Variants in C10orf67 observed in about 807,000 individuals in gnomAD.
C10orf67 encodes the protein chromosome 10 open reading frame 67.
Under a neutral mutation model 35.6 loss-of-function variants are expected in C10orf67, and 60 were observed. That is an observed-to-expected ratio of 1.68 (90% CI 1.37 to 2.09). The LOEUF (loss-of-function observed/expected upper bound fraction) is 2.09, where lower values mean the gene tolerates loss of function less well. C10orf67 is among the 30% of genes most tolerant of loss of function. The probability of loss-of-function intolerance (pLI) is 0.00; values close to 1 mark genes in which losing one functional copy is unlikely to be tolerated. For synonymous variants in C10orf67, 167 were observed against 115.8 expected, an observed-to-expected ratio of 1.44 and a Z score of -2.84; for missense variants, 474 against 330.2, an observed-to-expected ratio of 1.44 and a Z score of -3.38.
chr10:23,256,647 C>T (rs1842610323), intron 10 of C10orf67, among the ~76,000 whole-genome samples: 1 of 151,290 alleles, frequency 6.6e-6, no homozygotes, highest in Non-Finnish European at 1.5e-5. Flanking sequence ...TAGCTGGGGA[C>T]ACATGTTAAA....
chr10:23,227,644 A>T (rs1841778051), intron 13 of C10orf67, among the ~76,000 whole-genome samples: 2 of 152,196 alleles, frequency 1.3e-5, no homozygotes, highest in Non-Finnish European at 2.9e-5. Flanking sequence ...GAGGAAGTCA[A>T]ATTGTCCCTG....
intron 13 of C10orf67, among the ~76,000 whole-genome samples, chr10:23,225,726 T>G (rs1841718205): frequency 6.6e-6 from 1 of 152,120 alleles, no homozygotes; most frequent in Non-Finnish European, 1.5e-5. Context: ...AATCCTAGTC[T>G]CTGATAAAAC....
At chr10:23,339,058 AC>A (rs1486936636) in intron 1 of C10orf67, among the ~76,000 whole-genome samples, 1 of 152,188 alleles carries the variant, frequency 6.6e-6, no homozygotes, top group African/African-American at 2.4e-5. Flanking sequence ...CTCATAACTC[AC>A]GCCCAAAATT....
intron 4 of C10orf67, among the ~76,000 whole-genome samples, chr10:23,306,000 TAC>T (rs901817754): frequency 1.3e-5 from 2 of 151,268 alleles, no homozygotes; most frequent in African/African-American, 2.4e-5. Context: ...CTCTCTCACA[TAC>T]ACACACACAC....
At chr10:23,223,474 C>A (rs750207983) in intron 15 of C10orf67, 124 bp downstream of exon 15, 8 of 658,670 alleles carry the variant, frequency 1.2e-5, no homozygotes, top group Non-Finnish European at 1.9e-5. Flanking sequence ...TATAAAGTGG[C>A]TGAAAAAAGT....
At position 23,204,151 on chromosome 10, in the gene C10orf67, C is replaced by G. The variant is rs574075866; in HGVS notation, c.*22G>C. On this transcript the variant is annotated 3_prime_UTR_variant, in exon 16 of 16. Transcript: ENST00000636213. ...GCCACTCTTTCTGAGGCCCCGTCTG[C>G]GCAGCCCAGGCTTCTGCTGGGTTAA... 24 of 507,338 alleles carry G rather than the reference C, an allele frequency of 4.7e-5. No individual in the cohort carries two copies. In the South Asian group the frequency reaches 6.3e-4, roughly 13 times the overall value. 31.4% of individuals were successfully genotyped at this position (507,338 alleles called of 1,614,324 possible).
chr10:23,278,290 G>A (rs1843256024), intron 8 of C10orf67, among the ~76,000 whole-genome samples: 1 of 152,286 alleles, frequency 6.6e-6, no homozygotes, highest in Admixed American at 6.5e-5. Context: ...ATGGAACCTG[G>A]AAATTAATCC....
intron 2 of C10orf67, among the ~76,000 whole-genome samples, chr10:23,331,164 AGGGAACCGGGACGGGGAAGGG>A: frequency 6.7e-6 from 1 of 148,244 alleles, no homozygotes; most frequent in Admixed American, 6.7e-5. Flanking sequence ...AGGGAAGGGA[AGGGAACCGGGACGGGGAAGGG>A]AAGGGAAGGG....
intron 13 of C10orf67, among the ~76,000 whole-genome samples, chr10:23,229,573 A>C (rs1238248137): frequency 6.6e-6 from 1 of 152,166 alleles, no homozygotes; most frequent in Non-Finnish European, 1.5e-5. Flanking sequence ...CCTAGAACTT[A>C]AAGTATAATA....
chr10:23,229,631 C>T (rs1841850044), intron 13 of C10orf67, among the ~76,000 whole-genome samples: 1 of 151,670 alleles, frequency 6.6e-6, no homozygotes, highest in African/African-American at 2.4e-5. Flanking sequence ...GTTCAATTTC[C>T]CAGGAAGATA....
At chr10:23,266,143 C>G in intron 10 of C10orf67, 119 bp downstream of exon 10, 1 of 370,660 alleles carries the variant, frequency 2.7e-6, no homozygotes, top group Non-Finnish European at 4.6e-6. Flanking sequence ...TGGAGCCCCC[C>G]ACTCAGGGGG....
At chr10:23,343,298 G>A (rs1331896535) in intron 1 of C10orf67, among the ~76,000 whole-genome samples, 1 of 152,110 alleles carries the variant, frequency 6.6e-6, no homozygotes, top group Non-Finnish European at 1.5e-5. Context: ...CCTTCTAAAA[G>A]CAGGGTGGGA....
At chr10:23,266,551 G>A (rs1588631305) in intron 9 of C10orf67, 125 bp from the exon 10 acceptor site, 2 of 395,740 alleles carry the variant, frequency 5.1e-6, no homozygotes, top group African/African-American at 2.1e-5. Flanking sequence ...GTCCTAGAGC[G>A]CATGGATTTG....
chr10:23,265,219 T>A lies in C10orf67; in HGVS notation c.1200+1043A>T, dbSNP rs938425642. ...GCAACAAGCCTGGCCTTGCTCTACT[T>A]GCTCCCTCCCGCTCTGTGGATATGA... On this transcript the variant is annotated intron_variant, in intron 10 of 15. Coordinates refer to ENST00000636213, the MANE Select transcript of C10orf67 (RefSeq NM_001371909.1). 3.3e-5 allele frequency among the ~76,000 whole-genome samples: 5 copies of A among 152,368 alleles called. No individual in the cohort carries two copies. In the East Asian group the frequency reaches 9.6e-4, roughly 29 times the overall value.
chr10:23,288,682 AG>A (rs1409999250), intron 7 of C10orf67, among the ~76,000 whole-genome samples: 4 of 152,204 alleles, frequency 2.6e-5, no homozygotes, highest in Non-Finnish European at 2.9e-5. Context: ...ACCTAAACTT[AG>A]GCACATGTGG....
Position 23,250,209 on chromosome 10 carries a change from C to A in C10orf67, c.1346+246G>T, listed in dbSNP as rs74348060. 4.5e-3 allele frequency among the ~76,000 whole-genome samples: 682 copies of A among 152,248 alleles called. 14 individuals are homozygous for A. The East Asian group carries it at 0.05, about 11-fold the overall frequency. On this transcript the variant is annotated intron_variant, in intron 12 of 15. Transcript: ENST00000636213. ...AGGTCTGATTAAACCAGGTATTAAG[C>A]GAGTGAGTCTGTCCTGCTGATCTTT...
At chr10:23,202,322 C>T (rs1360397058), downstream of C10orf67, 1 of 152,220 alleles carries the variant, frequency 6.6e-6, no homozygotes, top group African/African-American at 2.4e-5. Flanking sequence ...TTCTGAAATG[C>T]TAAAGCATGC....
chr10:23,291,191 T>A lies in C10orf67; in HGVS notation c.791A>T (p.Gln264Leu), dbSNP rs1159134897. The A allele has an allele frequency of 1.4e-6, 1 of 717,154 alleles. No individual in the cohort carries two copies. The highest frequency in any genetic ancestry group is 2.7e-5 in the East Asian group (1 of 37,252). 44.4% of individuals were successfully genotyped at this position (717,154 alleles called of 1,614,324 possible). ...TTCTTCTTCAAGCTCTGAAATGATC[T>A]GAAGCAGCCTCTCATTTTCCACTTT... The part of the protein sequence containing the change: ...EYKVENERLL[Q>L]IISELEEEIQ... The change falls in exon 6 of 16, where the codon CAG becomes CTG. Residue 264 changes from glutamine (Q) to leucine (L), a missense_variant. By Grantham distance (113) the Gln-to-Leu change is moderately radical (BLOSUM62 -2). Transcript: ENST00000636213.
chr10:23,212,592 A>G (rs1224308217), intron 15 of C10orf67, among the ~76,000 whole-genome samples: 1 of 152,160 alleles, frequency 6.6e-6, no homozygotes, highest in Non-Finnish European at 1.5e-5. Context: ...GAGCCTAGGA[A>G]GGTTAGAGGT....
Sources: gnomAD v4.1 joint callset for allele counts (sites outside exome capture counted in the v4.1 genomes callset) on GRCh38, gnomAD v4.1.1 for gene constraint, MANE v1.5 for transcripts, NCBI Gene and HGNC (gene_info 2026-07-23, HGNC 2026-07-21) for gene names.